Variants in AKAP19 observed in about 807,000 individuals in gnomAD.
AKAP19 encodes the protein A-kinase anchoring protein 19.
chr2:190,115,755 T>A, the AKAP19 span, among the ~76,000 whole-genome samples: 1 of 152,172 alleles, frequency 6.6e-6, no homozygotes, highest in African/African-American at 2.4e-5. Context: ...CTTTGTGATG[T>A]CCTTTCCTGG....
chr2:190,080,116 G>C, the AKAP19 span: 1 of 152,052 alleles, frequency 6.6e-6, no homozygotes, highest in Non-Finnish European at 1.5e-5. Context: ...ATTCTTCCTC[G>C]GTTATATAGA....
At chr2:189,972,708 A>C in the AKAP19 span, among the ~76,000 whole-genome samples, 93 of 152,158 alleles carry the variant, frequency 6.1e-4, 2 homozygotes, top group East Asian at 0.015. Flanking sequence ...ATCCCTTGTA[A>C]GTTGGATTCC....
the AKAP19 span, among the ~76,000 whole-genome samples, chr2:189,929,813 A>T: frequency 6.6e-6 from 1 of 152,220 alleles, no homozygotes; most frequent in African/African-American, 2.4e-5. Flanking sequence ...TGTGTGTGCC[A>T]GTGTTATAAA....
chr2:189,932,986 A>G, the AKAP19 span, among the ~76,000 whole-genome samples: 6 of 152,156 alleles, frequency 3.9e-5, no homozygotes, highest in African/African-American at 1.4e-4. Context: ...CCGGTAGCTC[A>G]TATCTAGATT....
At chr2:190,061,705 A>G in the AKAP19 span, among the ~76,000 whole-genome samples, 5 of 152,052 alleles carry the variant, frequency 3.3e-5, no homozygotes, top group African/African-American at 1.2e-4. Flanking sequence ...ATAGCTCTCA[A>G]AATTAAATTT....
the AKAP19 span, among the ~76,000 whole-genome samples, chr2:190,006,240 A>G: frequency 6.6e-6 from 1 of 152,218 alleles, no homozygotes; most frequent in Non-Finnish European, 1.5e-5. Flanking sequence ...TCATTCCTGG[A>G]GCATAAGAGA....
chr2:190,085,872 A>G, the AKAP19 span, among the ~76,000 whole-genome samples: 1 of 152,216 alleles, frequency 6.6e-6, no homozygotes, highest in Non-Finnish European at 1.5e-5. Context: ...GGAAATTATG[A>G]GCACGAAGGC....
At chr2:190,177,745 C>T in the AKAP19 span, among the ~76,000 whole-genome samples, 16 of 152,176 alleles carry the variant, frequency 1.1e-4, no homozygotes, top group Non-Finnish European at 2.1e-4. The surrounding 1 kb of genome is among the most constrained non-coding windows in gnomAD (Gnocchi z 4.6). Context: ...GAGTTCTTTA[C>T]AGAGCAAAGA....
the AKAP19 span, among the ~76,000 whole-genome samples, chr2:189,885,911 C>T: frequency 2.6e-5 from 4 of 152,172 alleles, no homozygotes; most frequent in East Asian, 7.7e-4. Context: ...CGGGTTCAAG[C>T]GATTCACCTG....
chr2:190,009,365 A>G, the AKAP19 span, among the ~76,000 whole-genome samples: 8 of 152,208 alleles, frequency 5.3e-5, no homozygotes, highest in Non-Finnish European at 1.2e-4. Context: ...GAAGCCACAT[A>G]AGAGGAAATG....
the AKAP19 span, among the ~76,000 whole-genome samples, chr2:190,145,480 A>G: frequency 6.6e-6 from 1 of 152,204 alleles, no homozygotes. Flanking sequence ...ATATACAGTC[A>G]TGCACTGCAT....
the AKAP19 span, among the ~76,000 whole-genome samples, chr2:189,890,871 A>G: frequency 3.3e-5 from 5 of 152,104 alleles, no homozygotes; most frequent in Non-Finnish European, 5.9e-5. Flanking sequence ...ACTCTATCCA[A>G]TTTGCCAATC....
the AKAP19 span, among the ~76,000 whole-genome samples, chr2:190,048,346 T>C: frequency 6.6e-6 from 1 of 152,232 alleles, no homozygotes; most frequent in Admixed American, 6.5e-5. Flanking sequence ...CCATTTGCTA[T>C]GTAGGCTCTA....
chr2:189,953,576 G>A, the AKAP19 span, among the ~76,000 whole-genome samples: 1 of 144,212 alleles, frequency 6.9e-6, no homozygotes, highest in Non-Finnish European at 1.5e-5. Context: ...GGAAGTTGCA[G>A]TGAGCCCAGA....
the AKAP19 span, among the ~76,000 whole-genome samples, chr2:190,013,126 A>G: frequency 6.6e-6 from 1 of 152,170 alleles, no homozygotes. Context: ...GCTGGGCTCA[A>G]AAAGAGTTTG....
chr2:190,150,424 G>T, the AKAP19 span: 8 of 152,130 alleles, frequency 5.3e-5, no homozygotes, highest in Admixed American at 1.3e-4. Context: ...TTTTCACTCG[G>T]CTCTCCAAAT....
chr2:189,964,191 T>C, the AKAP19 span, among the ~76,000 whole-genome samples: 1 of 152,186 alleles, frequency 6.6e-6, no homozygotes, highest in Non-Finnish European at 1.5e-5. Context: ...GAGCTCTTTT[T>C]TGGGTGATGA....
the AKAP19 span, among the ~76,000 whole-genome samples, chr2:190,190,211 C>A: frequency 6.6e-6 from 1 of 152,098 alleles, no homozygotes; most frequent in African/African-American, 2.4e-5. Flanking sequence ...TATTTCAGGG[C>A]CTCTTCCAAA....
chr2:190,007,418 C>T, the AKAP19 span, among the ~76,000 whole-genome samples: 2 of 152,254 alleles, frequency 1.3e-5, no homozygotes, highest in Non-Finnish European at 2.9e-5. Context: ...ATTGATTAAT[C>T]AAGTTACCAC....
Sources: gnomAD v4.1 joint callset for allele counts (sites outside exome capture counted in the v4.1 genomes callset) on GRCh38, gnomAD v4.1.1 for gene constraint, Gnocchi (gnomAD v3.1) non-coding constraint, MANE v1.5 for transcripts, NCBI Gene and HGNC (gene_info 2026-07-23, HGNC 2026-07-21) for gene names.